ZNF534: variants seen among roughly 807,000 people sequenced by gnomAD.
ZNF534 encodes KRAB domain only 3.
ZNF534 carries 19 observed loss-of-function variants against 13.6 expected under a neutral mutation model. The ratio of observed to expected loss-of-function variants is 1.40; its 90% CI spans 0.97 to 2.05. The LOEUF (loss-of-function observed/expected upper bound fraction) is 2.05. Among genes scored for constraint, ZNF534 ranks in the 30% most tolerant of loss-of-function variants. ZNF534 has a pLI of 0.00. For synonymous variants in ZNF534, 244 were observed against 273.8 expected, an observed-to-expected ratio of 0.89 and a Z score of 1.07; for missense variants, 782 against 796.3, an observed-to-expected ratio of 0.98 and a Z score of 0.22.
rs113680700 is a variant in ZNF534 at position 52,442,060 on chromosome 19, G to A, written c.*2614G>A. On this transcript the variant is annotated 3_prime_UTR_variant, in exon 5 of 5. Transcript: ENST00000433050. ...TCACTAGAAATCAAAATATACTTTT[G>A]GATAAAACGACACAGATGGATTGTA... Among the ~76,000 whole-genome samples, 2 of 125,262 alleles carry A rather than the reference G, an allele frequency of 1.6e-5. No individual in the cohort carries two copies. Among genetic ancestry groups the A allele is most frequent in the Admixed American group, 8.2e-5 (1 of 12,262 alleles). The allele number at this position is 125,262 out of a possible 152,430, so 82.2% of individuals were successfully genotyped here.
In ZNF534 at chr19:52,433,428, G is replaced by A. The variant is rs147294536; in HGVS notation, c.16-527G>A. On this transcript the variant is annotated intron_variant, in intron 2 of 4. Coordinates refer to ENST00000433050, the MANE Select transcript of ZNF534 (RefSeq NM_001143938.3). Reference sequence around the variant, plus strand: ...GTCACCCAGGCTGGAGTGCAGTGGCGCAATCTCAGCTCACTGCAATGTCCC... The same window carrying A: ...GTCACCCAGGCTGGAGTGCAGTGGCACAATCTCAGCTCACTGCAATGTCCC... Among the ~76,000 whole-genome samples the A allele has an allele frequency of 6.8e-3, 1,030 of 151,880 alleles. 9 individuals carry two copies. The highest frequency in any genetic ancestry group is 0.023 in the African/African-American group (971 of 41,378).
chr19:52,431,600 C>T lies in ZNF534; in HGVS notation c.15+111C>T, dbSNP rs1396974109. On this transcript the variant is annotated intron_variant, in intron 2 of 4. Coordinates refer to ENST00000433050, the MANE Select transcript of ZNF534 (RefSeq NM_001143938.3). ...GCATCCTGCCTGACTCATTTCATTG[C>T]ACTTACCCATGGCTTCTTCCAGTCC... 4.3e-6 allele frequency: 6 copies of T among 1,398,402 alleles called. No individual in the cohort carries two copies. In the African/African-American group the frequency reaches 5.8e-5, roughly 14 times the overall value. 86.6% of individuals were successfully genotyped at this position (1,398,402 alleles called of 1,614,324 possible). A position where few individuals can be genotyped will look rare whatever the true frequency, so the allele number is the denominator to read the frequency against.
At chr19:52,451,137 G>C in intron 4 of ZNF534, 1 of 604,680 alleles carries the variant, frequency 1.7e-6, no homozygotes, top group Non-Finnish European at 3.0e-6. Context: ...TTACTTTTTT[G>C]TGTAACCTTT....
intron 1 of ZNF534, among the ~76,000 whole-genome samples, chr19:52,429,713 G>A (rs946736395): frequency 6.6e-6 from 1 of 151,432 alleles, no homozygotes; most frequent in African/African-American, 2.4e-5. Context: ...CTCCCGCCTG[G>A]GCCTCCCGAG....
In ZNF534 at chr19:52,441,128, TCTC is replaced by T. The variant is rs1435848346; in HGVS notation, c.*1685_*1687del. Among the ~76,000 whole-genome samples, 3 of 152,136 alleles carry T rather than the reference TCTC, an allele frequency of 2.0e-5. No homozygotes were observed. The highest frequency in any genetic ancestry group is 1.5e-5 in the Non-Finnish European group (1 of 68,026). Reference sequence around the variant, plus strand: ...ACCATGTTAGCCAGGCTGGTCTCGATCTCCTGACCTTGTGATCCATCTGCCTTG... The same window carrying T: ...ACCATGTTAGCCAGGCTGGTCTCGATCTGACCTTGTGATCCATCTGCCTTG... On this transcript the variant is annotated 3_prime_UTR_variant, in exon 5 of 5. Transcript: ENST00000433050.
chr19:52,429,963 T>TC lies in ZNF534; in HGVS notation c.-68+719_-68+720insC, dbSNP rs199765369. On this transcript the variant is annotated intron_variant, in intron 1 of 4. Transcript: ENST00000433050. Reference sequence around the variant, plus strand: ...TTTTTTTTCATGTAACCCTTTTTTTTTTCCCTTAACAATGCCCTCCAGGCA... The same window carrying TC: ...TTTTTTTTCATGTAACCCTTTTTTTTCTTCCCTTAACAATGCCCTCCAGGCA... Among the ~76,000 whole-genome samples, 1,258 of 149,256 alleles carry TC rather than the reference T, an allele frequency of 8.4e-3. 22 individuals are homozygous for TC. Among genetic ancestry groups the TC allele is most frequent in the Middle Eastern group, 0.038 (11 of 286 alleles).
intron 1 of ZNF534, among the ~76,000 whole-genome samples, chr19:52,430,787 C>T (rs780382101): frequency 6.6e-6 from 1 of 151,664 alleles, no homozygotes; most frequent in Admixed American, 6.6e-5. Flanking sequence ...ACCTCGTGAT[C>T]GACCTGCCTT....
chr19:52,433,362 C>CTT (rs1266513027), intron 2 of ZNF534, among the ~76,000 whole-genome samples: 1 of 46,364 alleles, frequency 2.2e-5, no homozygotes, highest in African/African-American at 6.1e-5. Context: ...CCTAACATTT[C>CTT]TTTCTCTTTT....
chr19:52,449,846 G>A (rs920011864), intron 4 of ZNF534, among the ~76,000 whole-genome samples: 5 of 151,908 alleles, frequency 3.3e-5, no homozygotes, highest in East Asian at 1.9e-4. Flanking sequence ...GTGGTGAAAC[G>A]CTGTCTCTAC....
chr19:52,439,238 T>C lies in ZNF534; in HGVS notation c.1778T>C (p.Leu593Pro). ...CGKVFSRNSH[L>P]ARHRKIHTGE... ...AAGGTCTTCAGTCGGAATTCACACC[T>C]TGCGCGACATAGGAAAATTCATACT... Residue 593 changes from leucine to proline, a missense_variant, in exon 5 of 5, where the codon CTT becomes CCT. This residue lies in a region of ZNF534 where 20 missense variants were observed against 43.6 expected (regional missense o/e 0.46). Transcript: ENST00000433050. 6.6e-7 allele frequency: 1 copy of C among 1,525,756 alleles called. No homozygotes were observed. Among genetic ancestry groups the C allele is most frequent in the Non-Finnish European group, 8.8e-7 (1 of 1,130,586 alleles). The allele number at this position is 1,525,756 out of a possible 1,614,324, so 94.5% of individuals were successfully genotyped here. A position where few individuals can be genotyped will look rare whatever the true frequency, so the allele number is the denominator to read the frequency against.
chr19:52,441,008 TCTC>T lies in ZNF534; in HGVS notation c.*1565_*1567del, dbSNP rs2059169184. On this transcript the variant is annotated 3_prime_UTR_variant, in exon 5 of 5. Coordinates refer to ENST00000433050, the MANE Select transcript of ZNF534 (RefSeq NM_001143938.3). ...CCGCCACCTCCTAGGTTCAAGCAAT[TCTC>T]CTGCCTCTACCTCCCGAGTAGCTAG... is the stretch of plus-strand genomic sequence containing the variant. 6.6e-6 allele frequency among the ~76,000 whole-genome samples: 1 copy of T among 151,812 alleles called. No homozygotes were observed. Among genetic ancestry groups the T allele is most frequent in the Non-Finnish European group, 1.5e-5 (1 of 67,966 alleles).
At chr19:52,451,226 T>G (rs1442829255) in exon 5 of ZNF534, 2 of 719,894 alleles carry the variant, frequency 2.8e-6, no homozygotes, top group African/African-American at 1.8e-5. Flanking sequence ...GTCTTCAGGG[T>G]GGAAGCCTGG....
intron 1 of ZNF534, among the ~76,000 whole-genome samples, chr19:52,430,795 C>T (rs1035419367): frequency 1.3e-4 from 19 of 151,568 alleles, no homozygotes; most frequent in Non-Finnish European, 5.9e-5. Flanking sequence ...ATCGACCTGC[C>T]TTGGCCTCTC....
exon 5 of ZNF534, chr19:52,451,894 A>G: frequency 3.2e-6 from 2 of 623,342 alleles, no homozygotes; most frequent in Non-Finnish European, 5.9e-6. Context: ...CAAGCTTTGG[A>G]TGACACCAAA....
At position 52,439,420 on chromosome 19, in the gene ZNF534, A is replaced by T. The variant is rs148131699; in HGVS notation, c.1960A>T (p.Ser654Cys). 1 of 1,540,694 alleles carries T rather than the reference A, an allele frequency of 6.5e-7. No individual in the cohort carries two copies. Among genetic ancestry groups the T allele is most frequent in the Non-Finnish European group, 8.8e-7 (1 of 1,141,080 alleles). The part of the protein sequence containing the change: ...SKNSILVQHC[S>C]IHTREKP ...AAATTCCATCCTAGTACAACATTGC[A>T]GTATTCATACCAGAGAGAAGCCTTA... Residue 654 changes from serine (S) to cysteine (C), a missense_variant, in exon 5 of 5, where the codon AGT (serine) becomes TGT (cysteine). Ser to Cys is a moderately radical substitution (Grantham distance 112, BLOSUM62 -1). This residue lies in a region of ZNF534 where 60 missense variants were observed against 59.9 expected (regional missense o/e 1.00). Coordinates refer to ENST00000433050, the MANE Select transcript of ZNF534 (RefSeq NM_001143938.3).
chr19:52,433,365 T>TCC (rs933299614), intron 2 of ZNF534, among the ~76,000 whole-genome samples: 2 of 43,496 alleles, frequency 4.6e-5, no homozygotes, highest in Non-Finnish European at 1.4e-4. Context: ...AACATTTCTT[T>TCC]CTCTTTTTGG....
chr19:52,437,857 A>G lies in ZNF534; in HGVS notation c.397A>G (p.Lys133Glu), dbSNP rs763527509. The change falls in exon 5 of 5, where the codon AAG (lysine) becomes GAG (glutamate). Residue 133 changes from lysine to glutamate, a missense_variant. By Grantham distance (56) the Lys-to-Glu change is moderately conservative (BLOSUM62 1). Transcript: ENST00000433050. Reference sequence around the variant, plus strand: ...AGCTGTAAGGAATATTTATGGATGTAAGCATGTTGAGAAATCTATCAGTGA... The same window carrying G: ...AGCTGTAAGGAATATTTATGGATGTGAGCATGTTGAGAAATCTATCAGTGA... ...FQAVRNIYGC[K>E]HVEKSISDNS... 5.0e-6 allele frequency: 8 copies of G among 1,613,860 alleles called. No individual in the cohort carries two copies. The highest frequency in any genetic ancestry group is 6.8e-6 in the Non-Finnish European group (8 of 1,179,838).
At chr19:52,448,639 ATG>A (rs2059202282) in intron 4 of ZNF534, among the ~76,000 whole-genome samples, 2 of 152,130 alleles carry the variant, frequency 1.3e-5, no homozygotes, top group African/African-American at 4.8e-5. Flanking sequence ...ATTTGGGAGA[ATG>A]TTTTATATAA....
chr19:52,450,705 T>TTTTTTTG (rs2059211368), intron 4 of ZNF534, among the ~76,000 whole-genome samples: 1 of 122,936 alleles, frequency 8.1e-6, no homozygotes, highest in Non-Finnish European at 1.6e-5. Context: ...TTGTTTTTTT[T>TTTTTTTG]TTTTAGACAA....
Sources: gnomAD v4.1 joint callset for allele counts (sites outside exome capture counted in the v4.1 genomes callset) on GRCh38, gnomAD v4.1.1 for gene constraint, gnomAD v4.1.1 regional missense constraint, MANE v1.5 for transcripts, NCBI Gene and HGNC (gene_info 2026-07-23, HGNC 2026-07-21) for gene names.